FRMD3: variants seen among roughly 807,000 people sequenced by gnomAD.
FRMD3 encodes FERM domain containing 3.
FRMD3 carries 33 observed loss-of-function variants against 70.2 expected under a neutral mutation model. The observed-to-expected ratio is 0.47, with a 90% CI of 0.36 to 0.63. The LOEUF is 0.63. Among genes scored for constraint, FRMD3 ranks in the 20% least tolerant of loss-of-function variants. The probability of loss-of-function intolerance (pLI) is 0.00; values close to 1 mark genes in which losing one functional copy is unlikely to be tolerated. For missense variants in FRMD3, 632 were observed against 711.4 expected (o/e 0.89, Z 1.27); for synonymous variants, 279 against 255.9 (o/e 1.09, Z -0.86).
rs1587684766 is a variant in FRMD3, at chr9:83,290,664, T to G, written c.1134A>C (p.Glu378Asp). Residue 378 changes from glutamate (E) to aspartate (D), a missense_variant, in exon 13 of 14, where the codon GAA (glutamate) becomes GAC (aspartate). Coordinates refer to ENST00000304195, the MANE Select transcript of FRMD3 (RefSeq NM_174938.6). ...SLNKQLIINM[E>D]PLQPLLPSPS... Reference sequence around the variant, plus strand: ...GGGAAGGAAGCAGGGGCTGCAGGGGTTCCATGTTAATGATGAGCTGTTTGT... The same window carrying G: ...GGGAAGGAAGCAGGGGCTGCAGGGGGTCCATGTTAATGATGAGCTGTTTGT... 6.2e-7 allele frequency: 1 copy of G among 1,613,682 alleles called. No individual in the cohort carries two copies. Among genetic ancestry groups the G allele is most frequent in the Non-Finnish European group, 8.5e-7 (1 of 1,179,906 alleles).
chr9:83,289,013 T>C (rs1012119466), intron 13 of FRMD3, among the ~76,000 whole-genome samples: 2 of 152,224 alleles, frequency 1.3e-5, no homozygotes, highest in Non-Finnish European at 2.9e-5. Flanking sequence ...ACAATTCCAG[T>C]TGTGAGATGT....
chr9:83,490,017 G>C (rs9314718), intron 1 of FRMD3, among the ~76,000 whole-genome samples: 23,326 of 152,036 alleles, frequency 0.15, 2,070 homozygotes, highest in East Asian at 0.33. Context: ...TAGAGAACTT[G>C]AATTCCCCCA....
At chr9:83,296,888 C>T (rs75061158) in intron 12 of FRMD3, among the ~76,000 whole-genome samples, 7 of 152,280 alleles carry the variant, frequency 4.6e-5, no homozygotes, top group East Asian at 1.9e-4. Context: ...ATGGACCAGC[C>T]GCGTGACCAT....
intron 6 of FRMD3, among the ~76,000 whole-genome samples, chr9:83,330,064 A>T (rs1239053266): frequency 6.6e-6 from 1 of 152,158 alleles, no homozygotes; most frequent in Non-Finnish European, 1.5e-5. Context: ...ACCAAGAGGG[A>T]CAAAAAGAAC....
At chr9:83,327,470 C>G (rs576764263) in intron 6 of FRMD3, among the ~76,000 whole-genome samples, 4 of 152,262 alleles carry the variant, frequency 2.6e-5, no homozygotes, top group Admixed American at 6.5e-5. Flanking sequence ...TCTTCAGTGT[C>G]ATCCCTGGCT....
intron 13 of FRMD3, among the ~76,000 whole-genome samples, chr9:83,252,266 AAACT>A (rs1185571038): frequency 6.6e-6 from 1 of 152,226 alleles, no homozygotes; most frequent in Non-Finnish European, 1.5e-5. Flanking sequence ...ATCTTTGGCC[AAACT>A]AAGCTTCATA....
At chr9:83,559,399 T>C in the FRMD3 span, among the ~76,000 whole-genome samples, 2 of 152,208 alleles carry the variant, frequency 1.3e-5, no homozygotes, top group Admixed American at 6.5e-5. Context: ...GTACATTTAA[T>C]AGACTACAGT....
chr9:83,511,579 A>C (rs964207766), intron 1 of FRMD3, among the ~76,000 whole-genome samples: 1 of 152,264 alleles, frequency 6.6e-6, no homozygotes, highest in Non-Finnish European at 1.5e-5. Context: ...AGCGCCAAGA[A>C]GGTGAAGTAT....
chr9:83,465,328 G>A lies in FRMD3; in HGVS notation c.147+72757C>T, dbSNP rs185962833. ...GTCCCAGGCAGGTGCAGTGGCTCATGCCTGTAAGCTCAGAATTTTGGGAGG... is the reference window on the plus strand; with the variant it reads ...GTCCCAGGCAGGTGCAGTGGCTCATACCTGTAAGCTCAGAATTTTGGGAGG... On this transcript the variant is annotated intron_variant, in intron 1 of 13. Transcript: ENST00000304195. 1.4e-3 allele frequency among the ~76,000 whole-genome samples: 214 copies of A among 152,214 alleles called. 1 individual carries two copies. The highest frequency in any genetic ancestry group is 5.0e-3 in the African/African-American group (207 of 41,518).
chr9:83,435,299 TC>T, intron 1 of FRMD3, among the ~76,000 whole-genome samples: 1 of 152,164 alleles, frequency 6.6e-6, no homozygotes, highest in Non-Finnish European at 1.5e-5. Context: ...ACCTGGCAGA[TC>T]CTTTGGTCCC....
intron 1 of FRMD3, among the ~76,000 whole-genome samples, chr9:83,390,611 A>C (rs989433144): frequency 4.6e-5 from 7 of 152,190 alleles, no homozygotes; most frequent in African/African-American, 1.7e-4. Flanking sequence ...TTTTCCTTCT[A>C]AAATTCTACA....
chr9:83,326,244 G>A (rs1471772425), intron 6 of FRMD3, among the ~76,000 whole-genome samples: 2 of 152,156 alleles, frequency 1.3e-5, no homozygotes, highest in Non-Finnish European at 2.9e-5. Flanking sequence ...CACACAGTAT[G>A]TTCTGTCCTT....
intron 13 of FRMD3, among the ~76,000 whole-genome samples, chr9:83,287,844 C>T (rs546207445): frequency 2.6e-5 from 4 of 152,320 alleles, no homozygotes; most frequent in Admixed American, 2.0e-4. Flanking sequence ...ACTTTGTCAT[C>T]GCCTCTGTGA....
intron 1 of FRMD3, among the ~76,000 whole-genome samples, chr9:83,518,854 T>C (rs564225316): frequency 1.3e-5 from 2 of 152,344 alleles, no homozygotes; most frequent in Admixed American, 1.3e-4. Flanking sequence ...TACAACCATC[T>C]GATCTTTGAC....
intron 1 of FRMD3, among the ~76,000 whole-genome samples, chr9:83,470,121 A>T (rs1828232716): frequency 6.6e-6 from 1 of 152,144 alleles, no homozygotes; most frequent in African/African-American, 2.4e-5. Context: ...ATTTTTTTTA[A>T]ATAAGGAGAG....
At chr9:83,544,096 G>A in the FRMD3 span, among the ~76,000 whole-genome samples, 1 of 152,186 alleles carries the variant, frequency 6.6e-6, no homozygotes. Flanking sequence ...AAGAACAGGT[G>A]AGCCATAAAG....
At chr9:83,459,477 T>C (rs1281674141) in intron 1 of FRMD3, among the ~76,000 whole-genome samples, 2 of 152,244 alleles carry the variant, frequency 1.3e-5, no homozygotes, top group East Asian at 3.9e-4. Context: ...ATCTTACATG[T>C]ACCTCGCAGC....
rs76358301 is a variant in FRMD3, at chr9:83,365,169, A to G, written c.295+7744T>C. ...TTTCTTTTGCAAATGAGTCTTAAGA[A>G]CATTGTTAAATGCCGTAAAGAATCT... On this transcript the variant is annotated intron_variant, in intron 3 of 13. Transcript: ENST00000304195. Among the ~76,000 whole-genome samples, 206 of 152,332 alleles carry G rather than the reference A, an allele frequency of 1.4e-3. 4 individuals are homozygous for G. In the East Asian group the frequency reaches 0.036, roughly 26 times the overall value.
chr9:83,365,474 T>G (rs1388434268), intron 3 of FRMD3, among the ~76,000 whole-genome samples: 1 of 152,184 alleles, frequency 6.6e-6, no homozygotes, highest in Non-Finnish European at 1.5e-5. Context: ...AGTGCTTGTG[T>G]ATAAGGCAGC....
Sources: allele counts gnomAD v4.1 joint callset (sites outside exome capture counted in the v4.1 genomes callset), GRCh38; gene constraint gnomAD v4.1.1; transcripts MANE v1.5; gene names NCBI Gene and HGNC (gene_info 2026-07-23, HGNC 2026-07-21).